PCA3: variants seen among roughly 807,000 people sequenced by gnomAD.
PCA3 encodes prostate cancer associated 3, also known as Differential Display code 3.
intron 2 of PCA3, among the ~76,000 whole-genome samples, chr9:76,780,658 T>C (rs1336291108): frequency 1.3e-5 from 2 of 152,142 alleles, no homozygotes; most frequent in African/African-American, 4.8e-5. Flanking sequence ...CCCACTGCAC[T>C]CCAGCCTGGG....
chr9:76,781,208 C>T (rs1314396003), intron 2 of PCA3, among the ~76,000 whole-genome samples: 1 of 152,156 alleles, frequency 6.6e-6, no homozygotes, highest in Non-Finnish European at 1.5e-5. Context: ...TACCTGCTTT[C>T]CATTAACTCT....
At chr9:76,771,816 C>T (rs1309167916) in intron 2 of PCA3, among the ~76,000 whole-genome samples, 2 of 152,272 alleles carry the variant, frequency 1.3e-5, no homozygotes, top group South Asian at 2.1e-4. Flanking sequence ...CCGTGTACTG[C>T]CCACAAAAGC....
chr9:76,785,826 A>C (rs1401307891), intron 2 of PCA3: 1 of 152,182 alleles, frequency 6.6e-6, no homozygotes, highest in Non-Finnish European at 1.5e-5. Flanking sequence ...GCATGTTTTC[A>C]AATGGCACTA....
At chr9:76,774,463 T>TATTTATTTATTTATTTATA (rs1487883612) in intron 2 of PCA3, among the ~76,000 whole-genome samples, 2 of 141,174 alleles carry the variant, frequency 1.4e-5, no homozygotes, top group African/African-American at 5.2e-5. Context: ...TTTTTTTTTT[T>TATTTATTTATTTATTTATA]TTTTTTTTTT....
rs770848796 is a variant in PCA3 at position 76,774,456 on chromosome 9, T to TATGTA, written n.853-34127_853-34126insATGTA. Among the ~76,000 whole-genome samples, 753 of 133,900 alleles carry TATGTA rather than the reference T, an allele frequency of 5.6e-3. 18 individuals are homozygous for TATGTA. The highest frequency in any genetic ancestry group is 0.019 in the African/African-American group (723 of 37,286). The allele number at this position is 133,900 out of a possible 152,430, so 87.8% of individuals were successfully genotyped here. A position where few individuals can be genotyped will look rare whatever the true frequency, so the allele number is the denominator to read the frequency against. On this transcript the variant is annotated intron_variant and non_coding_transcript_variant, in intron 2 of 5. Transcript: ENST00000644657. ...CCTGGCCTCCAGTTCAACCCTTTTT[T>TATGTA]TTTTTTTTTTTTTTTTTTTTTGAGA...
chr9:76,785,169 T>C (rs1008462193), intron 2 of PCA3: 5 of 152,222 alleles, frequency 3.3e-5, no homozygotes, highest in Admixed American at 3.3e-4. Flanking sequence ...AACTTGTAAT[T>C]CCTTGAACAT....
In PCA3 at chr9:76,786,301, G is replaced by C. The variant is rs1011406353; in HGVS notation, n.853-22282G>C. Reference sequence around the variant, plus strand: ...AGGAGAGAATATAAGAACTCTGAGTGATATCAACATTAGGGATTCAAAGAA... The same window carrying C: ...AGGAGAGAATATAAGAACTCTGAGTCATATCAACATTAGGGATTCAAAGAA... On this transcript the variant is annotated intron_variant and non_coding_transcript_variant, in intron 2 of 5. Coordinates refer to ENST00000644657, the Ensembl canonical transcript of PCA3. The C allele has an allele frequency of 5.3e-5, 8 of 152,160 alleles. 1 individual carries two copies. Among genetic ancestry groups the C allele is most frequent in the African/African-American group, 1.9e-4 (8 of 41,438 alleles). The allele number at this position is 152,160 out of a possible 1,614,324, so 9.4% of individuals were successfully genotyped here.
Position 76,767,538 on chromosome 9 carries a change from C to A in PCA3, n.852+30923C>A, listed in dbSNP as rs539094178. ...TCCTTGCCCTTGACTCCATTGATCA[C>A]CTCTTTAAAAAGAAAAAGAACTATT... On this transcript the variant is annotated intron_variant and non_coding_transcript_variant, in intron 2 of 5. Coordinates refer to ENST00000644657, the Ensembl canonical transcript of PCA3. 4.6e-5 allele frequency among the ~76,000 whole-genome samples: 7 copies of A among 152,242 alleles called. No individual in the cohort carries two copies. In the South Asian group the frequency reaches 1.5e-3, roughly 32 times the overall value.
chr9:76,774,618 C>T (rs1413268469), intron 2 of PCA3, among the ~76,000 whole-genome samples: 4 of 151,640 alleles, frequency 2.6e-5, no homozygotes. Context: ...GTCATCATGC[C>T]CAGCTAATTT....
intron 2 of PCA3, among the ~76,000 whole-genome samples, chr9:76,776,337 G>A (rs1271611330): frequency 6.6e-6 from 1 of 151,886 alleles, no homozygotes; most frequent in South Asian, 2.1e-4. Flanking sequence ...CACTCTCTGT[G>A]TCCATGTGTA....
intron 2 of PCA3, among the ~76,000 whole-genome samples, chr9:76,781,649 T>C (rs1012184998): frequency 3.3e-5 from 5 of 152,232 alleles, no homozygotes; most frequent in African/African-American, 1.2e-4. Flanking sequence ...GAAATCTACA[T>C]TTATATGCAT....
At chr9:76,769,568 G>A (rs546878206) in intron 2 of PCA3, among the ~76,000 whole-genome samples, 1 of 152,302 alleles carries the variant, frequency 6.6e-6, no homozygotes, top group Non-Finnish European at 1.5e-5. Flanking sequence ...TGGGATTACA[G>A]GCACGTGCCA....
chr9:76,784,235 G>A (rs142852814), intron 2 of PCA3: 1 of 152,214 alleles, frequency 6.6e-6, no homozygotes. Flanking sequence ...TAAAGGATGG[G>A]CAGGAAAACA....
intron 2 of PCA3, among the ~76,000 whole-genome samples, chr9:76,768,596 T>C (rs1325742567): frequency 1.4e-5 from 2 of 144,234 alleles, no homozygotes; most frequent in African/African-American, 5.4e-5. Flanking sequence ...TGTGTGTGTG[T>C]GTGTGTGTGT....
chr9:76,775,703 A>C (rs1373592191), intron 2 of PCA3, among the ~76,000 whole-genome samples: 2 of 152,028 alleles, frequency 1.3e-5, no homozygotes, highest in Non-Finnish European at 2.9e-5. Context: ...AACTCCTCAA[A>C]TTTTCTTGGA....
At chr9:76,776,947 A>G in intron 2 of PCA3, among the ~76,000 whole-genome samples, 1 of 108,426 alleles carries the variant, frequency 9.2e-6, no homozygotes. Context: ...CACACACACA[A>G]AGGGCCTGGA....
chr9:76,775,262 C>T (rs2053607460), intron 2 of PCA3, among the ~76,000 whole-genome samples: 1 of 152,010 alleles, frequency 6.6e-6, no homozygotes, highest in South Asian at 2.1e-4. Context: ...TTTGCAATGA[C>T]AAAGAGGAAC....
chr9:76,783,097 A>G (rs898876092), intron 2 of PCA3, among the ~76,000 whole-genome samples: 2 of 152,160 alleles, frequency 1.3e-5, no homozygotes, highest in Non-Finnish European at 2.9e-5. Flanking sequence ...CACAAAGCAG[A>G]CACTTGATTA....
chr9:76,775,300 TTGTC>T (rs1175687107), intron 2 of PCA3, among the ~76,000 whole-genome samples: 1 of 148,692 alleles, frequency 6.7e-6, no homozygotes, highest in Non-Finnish European at 1.5e-5. Flanking sequence ...ATTTTGTACT[TTGTC>T]TTTTTTTTTT....
Sources: gnomAD v4.1 joint callset for allele counts (sites outside exome capture counted in the v4.1 genomes callset) on GRCh38, gnomAD v4.1.1 for gene constraint, MANE v1.5 for transcripts, NCBI Gene and HGNC (gene_info 2026-07-23, HGNC 2026-07-21) for gene names.